Variants in ALK observed in about 807,000 individuals in gnomAD.
The protein encoded by ALK is ALK tyrosine kinase receptor.
A neutral mutation model predicts 163.1 loss-of-function variants in ALK; 74 were observed. The observed-to-expected ratio is 0.45, with a 90% CI of 0.38 to 0.55. The LOEUF (loss-of-function observed/expected upper bound fraction) is 0.55. Among genes scored for constraint, ALK ranks in the 20% least tolerant of loss-of-function variants. The pLI is 0.00. For synonymous variants in ALK, 960 were observed against 843.2 expected (o/e 1.14, Z -2.40); for missense variants, 2,063 against 2,105.3 (o/e 0.98, Z 0.39).
chr2:29,790,075 G>A (rs952482251), intron 1 of ALK, among the ~76,000 whole-genome samples: 29 of 152,188 alleles, frequency 1.9e-4, no homozygotes, highest in African/African-American at 7.0e-4. Flanking sequence ...CTACCACAGA[G>A]GGTAGGCATG....
intron 13 of ALK, among the ~76,000 whole-genome samples, chr2:29,236,284 C>T (rs537535394): frequency 2.6e-5 from 4 of 152,248 alleles, no homozygotes; most frequent in African/African-American, 7.2e-5. Context: ...TCCACCCCGT[C>T]GGCCTCTGCT....
intron 3 of ALK, among the ~76,000 whole-genome samples, chr2:29,620,807 G>A (rs567231310): frequency 3.3e-5 from 5 of 152,224 alleles, no homozygotes; most frequent in East Asian, 1.9e-4. Context: ...CCCGCGCCTC[G>A]GGAGAAAGAA....
chr2:29,921,360 C>G lies in ALK; in HGVS notation c.-701G>C, dbSNP rs1405408819. 3 of 233,014 alleles carry G rather than the reference C, an allele frequency of 1.3e-5. No individual in the cohort carries two copies. The highest frequency in any genetic ancestry group is 5.6e-5 in the Admixed American group (1 of 17,772). The allele number at this position is 233,014 out of a possible 1,614,324, so 14.4% of individuals were successfully genotyped here. On this transcript the variant is annotated 5_prime_UTR_variant, in exon 1 of 29. Transcript: ENST00000389048. ...ACCGGCGCCTCGGCTCCTCAGAGTT[C>G]GCAGGCACTGGAGCGGCCCCGGCGG...
chr2:29,363,784 C>T (rs952801883), intron 5 of ALK, among the ~76,000 whole-genome samples: 3 of 152,192 alleles, frequency 2.0e-5, no homozygotes, highest in Admixed American at 2.0e-4. Context: ...GTCAACAATT[C>T]AGACTCAGCC....
At chr2:29,855,278 C>T (rs1666111377) in intron 1 of ALK, among the ~76,000 whole-genome samples, 1 of 152,162 alleles carries the variant, frequency 6.6e-6, no homozygotes, top group African/African-American at 2.4e-5. Context: ...GTTGGATACA[C>T]CAAGGCTCTT....
chr2:29,817,091 C>A (rs34516874), intron 1 of ALK, among the ~76,000 whole-genome samples: 47,593 of 151,932 alleles, frequency 0.31, 8,092 homozygotes, highest in African/African-American at 0.45. Flanking sequence ...TGGGGAGCTT[C>A]AGTAGTAACC....
chr2:29,670,327 G>C (rs1377651936), intron 3 of ALK, among the ~76,000 whole-genome samples: 1 of 152,018 alleles, frequency 6.6e-6, no homozygotes, highest in Non-Finnish European at 1.5e-5. Context: ...TGGGCACTTT[G>C]AAAATGTCAT....
intron 5 of ALK, among the ~76,000 whole-genome samples, chr2:29,365,542 A>T (rs1528422): frequency 1.3e-5 from 2 of 152,182 alleles, no homozygotes; most frequent in East Asian, 1.9e-4. Context: ...GGAAAAAGAC[A>T]CAAGTGGTGC....
At chr2:29,766,856 C>G (rs559402790) in intron 1 of ALK, among the ~76,000 whole-genome samples, 2 of 152,268 alleles carry the variant, frequency 1.3e-5, no homozygotes, top group African/African-American at 4.8e-5. Flanking sequence ...GAAAAGGAGA[C>G]CAGTGCTGAC....
intron 1 of ALK, among the ~76,000 whole-genome samples, chr2:29,786,636 C>T (rs549250433): frequency 2.0e-5 from 3 of 152,250 alleles, no homozygotes; most frequent in Non-Finnish European, 2.9e-5. Context: ...ATGTAGTCCC[C>T]GACTGTAGGA....
chr2:29,444,755 C>G (rs1440689122), intron 4 of ALK, among the ~76,000 whole-genome samples: 1 of 152,136 alleles, frequency 6.6e-6, no homozygotes, highest in African/African-American at 2.4e-5. Context: ...TTTCCTTGGG[C>G]TCCTAAAAGT....
intron 1 of ALK, among the ~76,000 whole-genome samples, chr2:29,788,378 C>G (rs1664097707): frequency 6.6e-6 from 1 of 152,190 alleles, no homozygotes; most frequent in African/African-American, 2.4e-5. Flanking sequence ...CTGCCAAAAC[C>G]AGAGAGGTCT....
At chr2:29,422,826 A>T (rs1310859188) in intron 4 of ALK, among the ~76,000 whole-genome samples, 1 of 151,944 alleles carries the variant, frequency 6.6e-6, no homozygotes, top group Non-Finnish European at 1.5e-5. Context: ...GAAATCTTTC[A>T]TCTTAAAAGC....
intron 1 of ALK, among the ~76,000 whole-genome samples, chr2:29,840,273 G>T (rs769773657): frequency 3.3e-5 from 5 of 152,106 alleles, no homozygotes; most frequent in Non-Finnish European, 5.9e-5. Flanking sequence ...CATTTAACGT[G>T]GTATCTGGCA....
intron 3 of ALK, among the ~76,000 whole-genome samples, chr2:29,657,424 G>A (rs962738067): frequency 6.6e-6 from 1 of 151,960 alleles, no homozygotes; most frequent in African/African-American, 2.4e-5. Flanking sequence ...TAAGACTAAA[G>A]ATGTCTCTGA....
rs114756107 is a variant in ALK, at chr2:29,565,080, G to A, written c.953-32964C>T. On this transcript the variant is annotated intron_variant, in intron 3 of 28. Coordinates refer to ENST00000389048, the MANE Select transcript of ALK (RefSeq NM_004304.5). The stretch of plus-strand genomic sequence containing the variant: ...ATTGCCTACTCTGTACAGACACGGA[G>A]CTGGAGAAGGGACTAATGTACAACT... Among the ~76,000 whole-genome samples the A allele has an allele frequency of 3.2e-3, 493 of 152,352 alleles. 2 individuals are homozygous for A. The highest frequency in any genetic ancestry group is 0.011 in the African/African-American group (455 of 41,586).
chr2:29,827,762 A>G (rs541433281), intron 1 of ALK, among the ~76,000 whole-genome samples: 6 of 152,348 alleles, frequency 3.9e-5, no homozygotes, highest in African/African-American at 1.4e-4. Flanking sequence ...TATAGATTCA[A>G]TGCCATCCCC....
At chr2:29,360,052 C>A (rs1355150368) in intron 5 of ALK, among the ~76,000 whole-genome samples, 1 of 152,184 alleles carries the variant, frequency 6.6e-6, no homozygotes, top group Non-Finnish European at 1.5e-5. Context: ...TATCTAGAAC[C>A]TTTTTCTAAG....
intron 3 of ALK, among the ~76,000 whole-genome samples, chr2:29,619,285 T>C (rs1675955347): frequency 6.6e-6 from 1 of 152,240 alleles, no homozygotes; most frequent in Non-Finnish European, 1.5e-5. Flanking sequence ...ACTTCCAGTA[T>C]GGCCTTGAGA....
Sources: gnomAD v4.1 joint callset for allele counts (sites outside exome capture counted in the v4.1 genomes callset) on GRCh38, gnomAD v4.1.1 for gene constraint, MANE v1.5 for transcripts, NCBI Gene and HGNC (gene_info 2026-07-23, HGNC 2026-07-21) for gene names.